The following C1GALT1 variants were observed in gnomAD, a reference collection of about 807,000 sequenced individuals.
The protein encoded by C1GALT1 is core 1 synthase, glycoprotein-N-acetylgalactosamine 3-beta-galactosyltransferase 1.
In C1GALT1, 11 loss-of-function variants were observed where a neutral mutation model predicts 31.0. That is an observed-to-expected ratio of 0.36 (90% confidence interval 0.22 to 0.59). C1GALT1 has a LOEUF of 0.59. C1GALT1 is among the 20% of genes least tolerant of loss of function. C1GALT1 has a pLI of 0.79. For synonymous variants in C1GALT1, 175 were observed against 143.6 expected (o/e 1.22, Z -1.56); for missense variants, 424 against 425.2 (o/e 1.00, Z 0.03).
At position 7,232,503 on chromosome 7, in the gene C1GALT1, T is replaced by G. The variant is rs879550075; in HGVS notation, c.-17-1800T>G. 2.3e-3 allele frequency among the ~76,000 whole-genome samples: 337 copies of G among 145,212 alleles called. 1 individual carries two copies. The highest frequency in any genetic ancestry group is 4.5e-3 in the Admixed American group (66 of 14,586). Reference sequence around the variant, plus strand: ...GCGTGGGTTTTTTTTTTTTGTTTTTTTTTTTTTGAGACAGAGTCTTGCTCT... The same window carrying G: ...GCGTGGGTTTTTTTTTTTTGTTTTTGTTTTTTTGAGACAGAGTCTTGCTCT... On this transcript the variant is annotated intron_variant, in intron 1 of 3. Coordinates refer to ENST00000436587, the MANE Select transcript of C1GALT1 (RefSeq NM_020156.5).
At chr7:7,222,618 T>C (rs1360920052) in intron 1 of C1GALT1, among the ~76,000 whole-genome samples, 1 of 152,232 alleles carries the variant, frequency 6.6e-6, no homozygotes, top group African/African-American at 2.4e-5. Flanking sequence ...ATTTTTGTGC[T>C]AATTGAGACA....
chr7:7,217,369 C>CT (rs138373869), intron 1 of C1GALT1, among the ~76,000 whole-genome samples: 7,087 of 148,190 alleles, frequency 0.048, 380 homozygotes, highest in African/African-American at 0.14. Flanking sequence ...CTGCCCCCAC[C>CT]TTTTTTTTTT....
chr7:7,203,118 G>T (rs1401236242), intron 1 of C1GALT1, among the ~76,000 whole-genome samples: 1 of 124,686 alleles, frequency 8.0e-6, no homozygotes, highest in Non-Finnish European at 1.6e-5. Flanking sequence ...GGAATCTTTA[G>T]GGTTCCCTGC....
chr7:7,178,212 G>C (rs914013928), upstream of C1GALT1: 1 of 227,044 alleles, frequency 4.4e-6, no homozygotes, highest in Admixed American at 4.1e-5. Context: ...GAATTGAACC[G>C]CCCCCTTGGT....
At chr7:7,225,550 TAATA>T (rs1333845366) in intron 1 of C1GALT1, among the ~76,000 whole-genome samples, 4 of 152,242 alleles carry the variant, frequency 2.6e-5, no homozygotes, top group Non-Finnish European at 5.9e-5. Context: ...AAATTCTACT[TAATA>T]AATTTATTTT....
chr7:7,243,515 C>CT lies in C1GALT1; in HGVS notation c.889-3dup. On this transcript the variant is annotated splice_polypyrimidine_tract_variant and intron_variant, in intron 3 of 3. Transcript: ENST00000436587. ...TTATTAACAATACCTGTTTCCACTA[C>CT]TTTTTTAGGGTCCTGGTTGCTGCTC... 3 of 1,581,270 alleles carry CT rather than the reference C, an allele frequency of 1.9e-6. No homozygotes were observed. Among genetic ancestry groups the CT allele is most frequent in the Non-Finnish European group, 2.6e-6 (3 of 1,168,188 alleles).
chr7:7,180,776 A>G (rs1477728572), upstream of C1GALT1, among the ~76,000 whole-genome samples: 4 of 152,222 alleles, frequency 2.6e-5, no homozygotes, highest in African/African-American at 9.7e-5. Flanking sequence ...TGTAATCCCA[A>G]CTACTGGGGA....
chr7:7,189,193 A>T (rs11767455), intron 1 of C1GALT1, among the ~76,000 whole-genome samples: 32,041 of 151,792 alleles, frequency 0.21, 4,313 homozygotes, highest in African/African-American at 0.37. Context: ...TCTTTTTTTT[A>T]AAAAACTGGT....
At chr7:7,188,201 T>G (rs1464075805) in intron 1 of C1GALT1, among the ~76,000 whole-genome samples, 1 of 152,180 alleles carries the variant, frequency 6.6e-6, no homozygotes, top group Non-Finnish European at 1.5e-5. Context: ...AAGGGAAGCA[T>G]TAAGAATATC....
upstream of C1GALT1, among the ~76,000 whole-genome samples, chr7:7,182,346 T>G (rs1383460991): frequency 6.6e-6 from 1 of 151,898 alleles, no homozygotes; most frequent in African/African-American, 2.4e-5. Context: ...ATGCGGAGAG[T>G]AGCAGACACA....
rs1188879463 is a variant in C1GALT1, at chr7:7,244,848, G to C, written c.*1121G>C. The C allele has an allele frequency of 6.6e-6, 1 of 152,096 alleles. No homozygotes were observed. Among genetic ancestry groups the C allele is most frequent in the East Asian group, 1.9e-4 (1 of 5,196 alleles). The allele number at this position is 152,096 out of a possible 1,614,324, so 9.4% of individuals were successfully genotyped here. A position where few individuals can be genotyped will look rare whatever the true frequency, so the allele number is the denominator to read the frequency against. On this transcript the variant is annotated 3_prime_UTR_variant, in exon 4 of 4. Coordinates refer to ENST00000436587, the MANE Select transcript of C1GALT1 (RefSeq NM_020156.5). Reference sequence around the variant, plus strand: ...TTAAAAACAATAGAAAATGTAGAGTGCTTAAACAAAAATGTTATATTTTGA... The same window carrying C: ...TTAAAAACAATAGAAAATGTAGAGTCCTTAAACAAAAATGTTATATTTTGA...
intron 1 of C1GALT1, among the ~76,000 whole-genome samples, chr7:7,226,681 CG>C (rs1238421922): frequency 6.6e-6 from 1 of 151,860 alleles, no homozygotes; most frequent in Non-Finnish European, 1.5e-5. Flanking sequence ...CACCGATTAG[CG>C]CCATTAAAAA....
intron 1 of C1GALT1, chr7:7,183,643 T>C (rs1349672648): frequency 1.0e-6 from 1 of 970,610 alleles, no homozygotes; most frequent in Non-Finnish European, 1.2e-6. Context: ...GCTGTGGATT[T>C]ATTCTTTCCT....
intron 2 of C1GALT1, among the ~76,000 whole-genome samples, chr7:7,169,393 G>T (rs1780429672): frequency 6.6e-6 from 1 of 152,156 alleles, no homozygotes; most frequent in Non-Finnish European, 1.5e-5. Flanking sequence ...CTGCTGGGTT[G>T]TATGGTCATT....
chr7:7,159,914 C>T lies in C1GALT1; in HGVS notation c.-18+2488C>T, dbSNP rs567598063. On this transcript the variant is annotated intron_variant, in intron 2 of 3. Transcript: ENST00000429911. ...GAACTGGCCTTTCAGCTATCAGCTC[C>T]GAGCTTGGTAAACTGGAGCACAGCA... is the stretch of plus-strand genomic sequence containing the variant. 1.2e-4 allele frequency among the ~76,000 whole-genome samples: 18 copies of T among 152,194 alleles called. No homozygotes were observed. The South Asian group carries it at 2.9e-3, about 24-fold the overall frequency.
intron 1 of C1GALT1, among the ~76,000 whole-genome samples, chr7:7,229,211 T>C (rs1335623722): frequency 6.6e-6 from 1 of 152,166 alleles, no homozygotes; most frequent in Non-Finnish European, 1.5e-5. Context: ...GTCTTTGTTC[T>C]TTTCTGAGAT....
chr7:7,177,671 G>C (rs774404557), upstream of C1GALT1, among the ~76,000 whole-genome samples: 3 of 152,144 alleles, frequency 2.0e-5, no homozygotes, highest in Admixed American at 1.3e-4. Flanking sequence ...TGCTATGAAT[G>C]ATGCTACTAT....
At chr7:7,199,682 T>C (rs1781453253) in intron 1 of C1GALT1, among the ~76,000 whole-genome samples, 1 of 152,206 alleles carries the variant, frequency 6.6e-6, no homozygotes, top group Non-Finnish European at 1.5e-5. Context: ...TCGAAGTCTC[T>C]TTGTTGGTCT....
chr7:7,225,203 T>C (rs940665854), intron 1 of C1GALT1, among the ~76,000 whole-genome samples: 7 of 152,218 alleles, frequency 4.6e-5, no homozygotes, highest in African/African-American at 1.7e-4. Context: ...ATAATCAATT[T>C]ATTTCTCTCT....
Sources: gnomAD v4.1 joint callset for allele counts (sites outside exome capture counted in the v4.1 genomes callset) on GRCh38, gnomAD v4.1.1 for gene constraint, MANE v1.5 for transcripts, NCBI Gene and HGNC (gene_info 2026-07-23, HGNC 2026-07-21) for gene names.